Variants in ENPP6 observed in about 807,000 individuals in gnomAD.
ENPP6 encodes the protein glycerophosphocholine cholinephosphodiesterase ENPP6.
A neutral mutation model predicts 42.0 loss-of-function variants in ENPP6; 32 were observed. The observed-to-expected ratio is 0.76, with a 90% CI of 0.58 to 1.02. The LOEUF is 1.02. ENPP6 is among the 50% of genes least tolerant of loss of function. The pLI is 0.00. For synonymous variants in ENPP6, 213 were observed against 216.0 expected, an observed-to-expected ratio of 0.99 and a Z score of 0.12; for missense variants, 552 against 566.8, an observed-to-expected ratio of 0.97 and a Z score of 0.27.
chr4:184,113,916 T>TTTCTTTCTTTCTTTC (rs1579615290), intron 5 of ENPP6, among the ~76,000 whole-genome samples: 2 of 132,154 alleles, frequency 1.5e-5, no homozygotes, highest in East Asian at 2.1e-4. Context: ...TCTTTCTTTC[T>TTTCTTTCTTTCTTTC]TTCTTTCTTT....
chr4:184,129,681 A>G (rs1736563436), intron 2 of ENPP6, among the ~76,000 whole-genome samples: 1 of 152,258 alleles, frequency 6.6e-6, no homozygotes, highest in Non-Finnish European at 1.5e-5. Context: ...GAAGCAATTT[A>G]AAGATTTGAT....
chr4:184,201,414 C>A (rs1462186475), intron 1 of ENPP6, among the ~76,000 whole-genome samples: 1 of 151,848 alleles, frequency 6.6e-6, no homozygotes, highest in East Asian at 1.9e-4. Context: ...GGAGGCGGGG[C>A]GGGGGGGTGT....
At chr4:184,157,238 T>C (rs536373638) in intron 1 of ENPP6, among the ~76,000 whole-genome samples, 1 of 152,308 alleles carries the variant, frequency 6.6e-6, no homozygotes, top group South Asian at 2.1e-4. Flanking sequence ...GACCCCACCA[T>C]GTTCCTTGTC....
At chr4:184,096,608 A>G (rs1735905090) in intron 7 of ENPP6, among the ~76,000 whole-genome samples, 1 of 152,186 alleles carries the variant, frequency 6.6e-6, no homozygotes, top group African/African-American at 2.4e-5. Context: ...GTTAAATCAA[A>G]TGACCAGATA....
intron 1 of ENPP6, among the ~76,000 whole-genome samples, chr4:184,193,539 G>T (rs1030674076): frequency 5.9e-5 from 9 of 152,206 alleles, no homozygotes; most frequent in African/African-American, 2.2e-4. Flanking sequence ...CTAAATAAAA[G>T]TATACTGTGG....
rs75718966 is a variant in ENPP6, at chr4:184,103,256, C to G, written c.994-5888G>C. ...TTTTGACTATTGTGTCTCCTTTCAA[C>G]TACTGAAAGTATAATTCTCATGGGG... On this transcript the variant is annotated intron_variant, in intron 6 of 7. Transcript: ENST00000296741. Among the ~76,000 whole-genome samples the G allele has an allele frequency of 7.5e-3, 1,146 of 152,342 alleles. 9 individuals carry two copies. Among genetic ancestry groups the G allele is most frequent in the Non-Finnish European group, 9.5e-3 (643 of 68,040 alleles).
chr4:184,188,041 C>T (rs1579656015), intron 1 of ENPP6, among the ~76,000 whole-genome samples: 2 of 152,272 alleles, frequency 1.3e-5, no homozygotes, highest in Admixed American at 6.5e-5. Flanking sequence ...TGACTGGATG[C>T]TAGAGTCACG....
chr4:184,112,930 G>T, intron 5 of ENPP6, 121 bp from the exon 6 acceptor site: 1 of 1,171,296 alleles, frequency 8.5e-7, no homozygotes, highest in Non-Finnish European at 1.2e-6. Context: ...CCAAATACTT[G>T]ATAGATTTGA....
chr4:184,124,349 A>G, intron 2 of ENPP6, 77 bp from the exon 3 acceptor site: 1 of 1,034,262 alleles, frequency 9.7e-7, no homozygotes, highest in South Asian at 1.4e-5. Context: ...TCAGGAAGCA[A>G]ACACCATTAG....
intron 3 of ENPP6, among the ~76,000 whole-genome samples, chr4:184,122,167 G>A (rs113989252): frequency 2.6e-5 from 4 of 152,082 alleles, no homozygotes; most frequent in East Asian, 1.9e-4. Context: ...GTTTCCATCC[G>A]ACCCAGGCCT....
At chr4:184,103,968 C>T (rs1736047301) in intron 6 of ENPP6, among the ~76,000 whole-genome samples, 4 of 152,080 alleles carry the variant, frequency 2.6e-5, no homozygotes, top group South Asian at 4.2e-4. Context: ...TGGAGCAAAG[C>T]GCTGGAGAAA....
rs189118421 is a variant in ENPP6, at chr4:184,124,209, G to A, written c.485C>T (p.Thr162Met). Residue 162 changes from threonine (T) to methionine (M), a missense_variant, in exon 3 of 8, where the codon ACG becomes ATG. Thr to Met is a moderately conservative substitution (Grantham distance 81). This residue lies in a region of ENPP6 where 545 missense variants were observed against 546.3 expected (regional missense o/e 1.00). Transcript: ENST00000296741. Reference sequence around the variant, plus strand: ...GACTGCATTGGCAAAATTGATATCCGTTGGGACATTTTTATATTCTAGGCA... The same window carrying A: ...GACTGCATTGGCAAAATTGATATCCATTGGGACATTTTTATATTCTAGGCA... Reference protein sequence around the residue: ...TYCLEYKNVPTDINFANAVSD... With the variant: ...TYCLEYKNVPMDINFANAVSD... 176 of 1,614,014 alleles carry A rather than the reference G, an allele frequency of 1.1e-4. No homozygotes were observed. Among genetic ancestry groups the A allele is most frequent in the Admixed American group, 8.5e-4 (51 of 60,016 alleles).
chr4:184,193,907 G>T (rs2111109444), intron 1 of ENPP6, among the ~76,000 whole-genome samples: 1 of 152,220 alleles, frequency 6.6e-6, no homozygotes, highest in African/African-American at 2.4e-5. Flanking sequence ...TTCTTTAATT[G>T]TTCAGTTTGA....
In ENPP6 at chr4:184,198,147, A is replaced by G. The variant is rs570301849; in HGVS notation, c.241+19432T>C. Among the ~76,000 whole-genome samples the G allele has an allele frequency of 3.3e-5, 5 of 152,368 alleles. No individual in the cohort carries two copies. The East Asian group carries it at 9.6e-4, about 29-fold the overall frequency. The stretch of plus-strand genomic sequence containing the variant: ...AAAAGAGTGCAACCTCAGCCAACAG[A>G]CGGGGCTTGGCAGCAAAACTCCAGA... On this transcript the variant is annotated intron_variant, in intron 1 of 7. Coordinates refer to ENST00000296741, the MANE Select transcript of ENPP6 (RefSeq NM_153343.4).
At chr4:184,143,777 G>A (rs1206438306) in intron 2 of ENPP6, among the ~76,000 whole-genome samples, 1 of 152,224 alleles carries the variant, frequency 6.6e-6, no homozygotes, top group Non-Finnish European at 1.5e-5. Context: ...CTCGCAGTGA[G>A]TGAGTGGCTG....
At chr4:184,204,983 T>C (rs937584524) in intron 1 of ENPP6, among the ~76,000 whole-genome samples, 1 of 152,074 alleles carries the variant, frequency 6.6e-6, no homozygotes, top group African/African-American at 2.4e-5. Context: ...CAGGCTGGAG[T>C]GCAGTGGCAC....
chr4:184,136,202 T>C (rs1736728199), intron 2 of ENPP6, among the ~76,000 whole-genome samples: 1 of 151,182 alleles, frequency 6.6e-6, no homozygotes, highest in Non-Finnish European at 1.5e-5. Context: ...TCTATTAGTC[T>C]ATTAAATTTT....
chr4:184,166,080 T>C (rs991778525), intron 1 of ENPP6, among the ~76,000 whole-genome samples: 2 of 152,228 alleles, frequency 1.3e-5, no homozygotes, highest in African/African-American at 4.8e-5. Context: ...ATAACCTCTG[T>C]TGGGAAATCC....
chr4:184,153,817 C>A, intron 1 of ENPP6, 84 bp from the exon 2 acceptor site: 1 of 1,474,082 alleles, frequency 6.8e-7, no homozygotes, highest in South Asian at 1.4e-5. Flanking sequence ...ATAAGCCATT[C>A]GTGCTCGTTT....
Sources: gnomAD v4.1 joint callset for allele counts (sites outside exome capture counted in the v4.1 genomes callset) on GRCh38, gnomAD v4.1.1 for gene constraint, gnomAD v4.1.1 regional missense constraint, MANE v1.5 for transcripts, NCBI Gene and HGNC (gene_info 2026-07-23, HGNC 2026-07-21) for gene names.